The following RELB variants were observed in gnomAD, a reference collection of about 807,000 sequenced individuals.
RELB encodes RELB proto-oncogene, NF-kB subunit.
RELB carries 14 observed loss-of-function variants against 55.4 expected under a neutral mutation model. The ratio of observed to expected loss-of-function variants is 0.25; its 90% CI spans 0.17 to 0.40. The LOEUF (loss-of-function observed/expected upper bound fraction) is 0.40. Ranked by LOEUF, RELB falls within the 10% of genes least tolerant of loss-of-function variation. RELB has a pLI of 1.00. For synonymous variants in RELB, 409 were observed against 371.3 expected (o/e 1.10, Z -1.17); for missense variants, 669 against 830.7 (o/e 0.81, Z 2.39).
Position 45,037,439 on chromosome 19 carries a change from C to A in RELB, c.1389C>A (p.Asp463Glu). The A allele has an allele frequency of 1.2e-6, 2 of 1,600,814 alleles. No homozygotes were observed. The highest frequency in any genetic ancestry group is 1.7e-6 in the Non-Finnish European group (2 of 1,176,584). Residue 463 changes from aspartate (D) to glutamate (E), a missense_variant, in exon 12 of 12, where the codon GAC (aspartate) becomes GAA (glutamate). By Grantham distance (45) the Asp-to-Glu change is conservative (BLOSUM62 2). Transcript: ENST00000221452. ...PFLPPSALLPDPDFFSGTVSL... is the reference protein window; with the variant it reads ...PFLPPSALLPEPDFFSGTVSL... ...TCCCGCCGTCAGCCCTGCTGCCAGA[C>A]CCTGACTTCTTCTCTGGCACCGTGT...
chr19:45,007,050 AG>A (rs1971290875), intron 2 of RELB, among the ~76,000 whole-genome samples: 1 of 152,038 alleles, frequency 6.6e-6, no homozygotes, highest in Non-Finnish European at 1.5e-5. Flanking sequence ...TAAAATGGTC[AG>A]GGAAGAGCTG....
At chr19:45,031,932 T>C (rs1971626480) in intron 8 of RELB, among the ~76,000 whole-genome samples, 1 of 151,604 alleles carries the variant, frequency 6.6e-6, no homozygotes, top group African/African-American at 2.4e-5. Context: ...AATGAGATAA[T>C]ATATATAAAA....
At position 45,003,915 on chromosome 19, in the gene RELB, G is replaced by GTTTTTTTTTTTTTTTTTTTTTTTTT. The variant is rs1039624578; in HGVS notation, c.154+921_154+945dup. Among the ~76,000 whole-genome samples, 18 of 63,576 alleles carry GTTTTTTTTTTTTTTTTTTTTTTTTT rather than the reference G, an allele frequency of 2.8e-4. 1 individual carries two copies. The highest frequency in any genetic ancestry group is 3.6e-4 in the Non-Finnish European group (13 of 35,654). The allele number at this position is 63,576 out of a possible 152,430, so 41.7% of individuals were successfully genotyped here. A position where few individuals can be genotyped will look rare whatever the true frequency, so the allele number is the denominator to read the frequency against. On this transcript the variant is annotated intron_variant, in intron 2 of 11. Transcript: ENST00000221452. The stretch of plus-strand genomic sequence containing the variant: ...TGGGTTTTTTTTGTCTGTTTTTTGT[G>GTTTTTTTTTTTTTTTTTTTTTTTTT]TTTTTTTTTTTTTTTTTTTTTTTTT...
At chr19:45,018,352 T>C (rs7247529) in intron 4 of RELB, among the ~76,000 whole-genome samples, 99,543 of 151,760 alleles carry the variant, frequency 0.66, 32,782 homozygotes, top group East Asian at 0.81. Context: ...TGCAGTGAGC[T>C]GAGATCGTGC....
Position 45,009,814 on chromosome 19 carries a change from A to G in RELB, c.155A>G (p.Asp52Gly). ...CTTTCTCTTTCTCTTCCTTCCACAG[A>G]TGAATTGGGTGAGTATCACAGGGCA... ...SLSLAVSRST[D>G]ELEIIDEYIK... Residue 52 changes from aspartate to glycine, a missense_variant and splice_region_variant, in exon 3 of 12, where the codon GAT becomes GGT. By Grantham distance (94) the Asp-to-Gly change is moderately conservative. This residue lies in a region of RELB where 323 missense variants were observed against 368.5 expected (regional missense o/e 0.88). Transcript: ENST00000221452. The G allele has an allele frequency of 6.3e-7, 1 of 1,598,666 alleles. No individual in the cohort carries two copies. Among genetic ancestry groups the G allele is most frequent in the Non-Finnish European group, 8.5e-7 (1 of 1,179,498 alleles).
At chr19:45,023,915 T>TG (rs1568402263) in intron 5 of RELB, among the ~76,000 whole-genome samples, 4 of 147,748 alleles carry the variant, frequency 2.7e-5, no homozygotes, top group African/African-American at 7.5e-5. Flanking sequence ...CACACCTGGC[T>TG]AATTTTTGTA....
chr19:45,026,610 G>A (rs1971561591), intron 7 of RELB, among the ~76,000 whole-genome samples: 1 of 152,052 alleles, frequency 6.6e-6, no homozygotes, highest in East Asian at 1.9e-4. Context: ...TGAACAATCT[G>A]TACAACTATA....
At chr19:45,015,726 T>C (rs1394412901) in intron 4 of RELB, among the ~76,000 whole-genome samples, 1 of 123,380 alleles carries the variant, frequency 8.1e-6, no homozygotes, top group Admixed American at 8.7e-5. Context: ...CAGAGAAAGA[T>C]GCTATCTCAA....
chr19:45,020,924 C>T (rs1178632578), intron 4 of RELB, among the ~76,000 whole-genome samples: 1 of 152,122 alleles, frequency 6.6e-6, no homozygotes, highest in African/African-American at 2.4e-5. Context: ...CCTGTCATCC[C>T]AGCGCTTTAG....
intron 8 of RELB, 102 bp from the exon 9 acceptor site, chr19:45,032,432 A>C (rs748631733): frequency 1.6e-5 from 16 of 999,806 alleles, no homozygotes; most frequent in Non-Finnish European, 2.4e-5. Context: ...AAAAATTTTA[A>C]AAAGGGGGAA....
chr19:45,002,923 C>T, intron 1 of RELB, 26 bp from the exon 2 acceptor site: 1 of 1,610,974 alleles, frequency 6.2e-7, no homozygotes, highest in Non-Finnish European at 8.5e-7. Context: ...CCCATCACCT[C>T]CTGAGACGTT....
intron 8 of RELB, among the ~76,000 whole-genome samples, chr19:45,032,061 C>T (rs1971629330): frequency 2.6e-5 from 4 of 151,692 alleles, no homozygotes; most frequent in African/African-American, 4.8e-5. Flanking sequence ...CGTGGTGAAA[C>T]CCCGTCTCTA....
rs1568394675 is a variant in RELB at position 45,001,621 on chromosome 19, T to C, written c.42T>C (p.Thr14=). 11 of 1,519,660 alleles carry C rather than the reference T, an allele frequency of 7.2e-6. No individual in the cohort carries two copies. The highest frequency in any genetic ancestry group is 9.6e-6 in the Non-Finnish European group (11 of 1,140,124). The allele number at this position is 1,519,660 out of a possible 1,614,324, so 94.1% of individuals were successfully genotyped here. ...SGPASGPSVP[T]GRAMPSRRVA... ...CAGCCTCTGGGCCGTCCGTCCCCAC[T>C]GGCCGGGCCATGCCGAGTCGCCGCG... Residue 14 remains threonine, a synonymous_variant, in exon 1 of 12, where the codon ACT becomes ACC. Transcript: ENST00000221452.
At chr19:45,009,877 A>G in intron 3 of RELB, 55 bp downstream of exon 3, 21 of 1,459,448 alleles carry the variant, frequency 1.4e-5, no homozygotes, top group Non-Finnish European at 1.9e-5. Flanking sequence ...GTGCCTACAG[A>G]AGGGGGTCTT....
chr19:45,014,108 G>A (rs1267251239), intron 4 of RELB, among the ~76,000 whole-genome samples: 6 of 150,388 alleles, frequency 4.0e-5, no homozygotes, highest in Admixed American at 2.0e-4. Context: ...TCTATGGGAT[G>A]ATATACTGAG....
chr19:45,024,403 C>G (rs1971531839), intron 5 of RELB, among the ~76,000 whole-genome samples: 1 of 152,118 alleles, frequency 6.6e-6, no homozygotes, highest in South Asian at 2.1e-4. Flanking sequence ...ACCTCCTGAT[C>G]TGCCCGTATC....
At chr19:45,009,027 G>T (rs1161426717) in intron 2 of RELB, among the ~76,000 whole-genome samples, 1 of 152,130 alleles carries the variant, frequency 6.6e-6, no homozygotes, top group Admixed American at 6.6e-5. Context: ...ACAGGGCTGG[G>T]GTACAGAGCA....
At chr19:45,030,259 G>C (rs1971604876) in intron 8 of RELB, among the ~76,000 whole-genome samples, 1 of 152,050 alleles carries the variant, frequency 6.6e-6, no homozygotes, top group Middle Eastern at 3.2e-3. Flanking sequence ...GATCACTTGA[G>C]CCCAGGAGTT....
intron 2 of RELB, among the ~76,000 whole-genome samples, chr19:45,006,803 A>G (rs1229662760): frequency 6.6e-6 from 1 of 151,836 alleles, no homozygotes. Flanking sequence ...TCTACTAAAA[A>G]TACGAAAATT....
Sources: gnomAD v4.1 joint callset for allele counts (sites outside exome capture counted in the v4.1 genomes callset) on GRCh38, gnomAD v4.1.1 for gene constraint, gnomAD v4.1.1 regional missense constraint, MANE v1.5 for transcripts, NCBI Gene and HGNC (gene_info 2026-07-23, HGNC 2026-07-21) for gene names.